Variants in DHX29 observed in about 807,000 individuals in gnomAD.
The protein encoded by DHX29 is DExH-box helicase 29, also known as ATP-dependent RNA helicase DHX29.
Under a neutral mutation model 167.9 loss-of-function variants are expected in DHX29, and 79 were observed. That is an observed-to-expected ratio of 0.47 (90% CI 0.39 to 0.57). The LOEUF is 0.57. Ranked by LOEUF, DHX29 falls within the 20% of genes least tolerant of loss-of-function variation. The pLI is 0.00. For synonymous variants in DHX29, 530 were observed against 546.0 expected, an observed-to-expected ratio of 0.97 and a Z score of 0.41; for missense variants, 1,347 against 1,593.4, an observed-to-expected ratio of 0.85 and a Z score of 2.63.
chr5:55,268,217 CA>C (rs1378785423), intron 21 of DHX29, among the ~76,000 whole-genome samples: 1 of 152,104 alleles, frequency 6.6e-6, no homozygotes, highest in Non-Finnish European at 1.5e-5. Context: ...GCCTCAAGAC[CA>C]CTGAATTTCC....
intron 11 of DHX29, among the ~76,000 whole-genome samples, chr5:55,281,935 G>A (rs185915115): frequency 2.4e-4 from 37 of 152,070 alleles, no homozygotes. Context: ...ACAAGGGCAT[G>A]CCACTACACC....
intron 6 of DHX29, among the ~76,000 whole-genome samples, 194 bp from the exon 7 acceptor site, chr5:55,290,538 G>A (rs1354460089): frequency 6.6e-6 from 1 of 152,140 alleles, no homozygotes; most frequent in Non-Finnish European, 1.5e-5. Flanking sequence ...GTTTGGTGAG[G>A]CACTGACTGT....
chr5:55,280,436 T>C (rs1289599854), intron 12 of DHX29, among the ~76,000 whole-genome samples: 3 of 152,182 alleles, frequency 2.0e-5, no homozygotes, highest in Non-Finnish European at 4.4e-5. Context: ...ATAAATATAC[T>C]GTAGCTTAAT....
At chr5:55,298,307 T>G (rs1194571795) in intron 2 of DHX29, among the ~76,000 whole-genome samples, 6 of 152,160 alleles carry the variant, frequency 3.9e-5, no homozygotes, top group Non-Finnish European at 8.8e-5. Flanking sequence ...TAAGTAGAGA[T>G]CAGAGTAGCA....
Position 55,267,235 on chromosome 5 carries a change from G to A in DHX29, c.3432-4C>T. The A allele has an allele frequency of 6.2e-7, 1 of 1,605,844 alleles. No individual in the cohort carries two copies. Among genetic ancestry groups the A allele is most frequent in the Non-Finnish European group, 8.5e-7 (1 of 1,173,924 alleles). ...TTCTTGTCGTGCTTTCTTCCATCTA[G>A]ATAAATAAAATGTCAATTAATGAAT... is the stretch of plus-strand genomic sequence containing the variant. On this transcript the variant is annotated splice_polypyrimidine_tract_variant and splice_region_variant and intron_variant, in intron 22 of 26. Transcript: ENST00000251636.
Position 55,296,365 on chromosome 5 carries a change from A to AT in DHX29, c.376-17dup. The AT allele has an allele frequency of 6.2e-7, 1 of 1,603,650 alleles. No homozygotes were observed. The highest frequency in any genetic ancestry group is 8.5e-7 in the Non-Finnish European group (1 of 1,175,382). On this transcript the variant is annotated splice_polypyrimidine_tract_variant and intron_variant, in intron 3 of 26. Coordinates refer to ENST00000251636, the MANE Select transcript of DHX29 (RefSeq NM_019030.4). ...TGTATAAATCCTATGACAAGCAAAT[A>AT]TAAAAAAAGTCACATTTGTCAAAGT...
chr5:55,281,280 G>A, intron 12 of DHX29, 92 bp downstream of exon 12: 1 of 1,080,270 alleles, frequency 9.3e-7, no homozygotes, highest in Non-Finnish European at 1.2e-6. Context: ...AATTTAGTAA[G>A]CATAAAGAAA....
intron 10 of DHX29, 152 bp downstream of exon 10, chr5:55,285,141 G>A (rs373666637): frequency 1.3e-5 from 15 of 1,170,594 alleles, no homozygotes; most frequent in Non-Finnish European, 1.7e-5. Flanking sequence ...TAAGAGGAAC[G>A]AAAGATCAAA....
rs780295158 is a variant in DHX29 at position 55,281,490 on chromosome 5, C to T, written c.1991G>A (p.Arg664Gln). ...AGATTCACAAGCTCGAGATTCCATC[C>T]GGATCTGATATCCACACAAGGAATT... is the stretch of plus-strand genomic sequence containing the variant. ...GRNSLCGYQI[R>Q]MESRACESTR... Residue 664 changes from arginine (R) to glutamine (Q), a missense_variant, in exon 12 of 27, where the codon CGG becomes CAG. This residue lies in a region of DHX29 where 882 missense variants were observed against 1,082.4 expected (regional missense o/e 0.81). Coordinates refer to ENST00000251636, the MANE Select transcript of DHX29 (RefSeq NM_019030.4). 1 of 1,597,502 alleles carries T rather than the reference C, an allele frequency of 6.3e-7. No homozygotes were observed. The highest frequency in any genetic ancestry group is 8.5e-7 in the Non-Finnish European group (1 of 1,172,080).
intron 23 of DHX29, among the ~76,000 whole-genome samples, chr5:55,263,475 T>C (rs1454176754): frequency 6.6e-6 from 1 of 151,940 alleles, no homozygotes; most frequent in Non-Finnish European, 1.5e-5. Context: ...ACAGGAAGGG[T>C]GGGCATTTTT....
intron 17 of DHX29, among the ~76,000 whole-genome samples, 178 bp downstream of exon 17, chr5:55,273,114 AT>A (rs1375869129): frequency 1.3e-5 from 2 of 152,212 alleles, no homozygotes; most frequent in East Asian, 3.8e-4. Context: ...AAATATTCAA[AT>A]GCTTGAATTG....
chr5:55,281,405 A>C lies in DHX29; in HGVS notation c.2076T>G (p.Leu692=), dbSNP rs769176180. The C allele has an allele frequency of 1.8e-5, 29 of 1,602,550 alleles. No individual in the cohort carries two copies. The highest frequency in any genetic ancestry group is 2.7e-5 in the African/African-American group (2 of 74,552). ...CAATAACATGAGACACATTACTTAGAAGACCATCTTCTTGAAGTTTCCTTA... is the reference window on the plus strand; with the variant it reads ...CAATAACATGAGACACATTACTTAGCAGACCATCTTCTTGAAGTTTCCTTA... ...VLLRKLQEDG[L]LSNVSHVIVD... Residue 692 remains leucine, a synonymous_variant, in exon 12 of 27, where the codon CTT becomes CTG. Coordinates refer to ENST00000251636, the MANE Select transcript of DHX29 (RefSeq NM_019030.4).
chr5:55,284,037 T>C (rs947809219), intron 10 of DHX29, among the ~76,000 whole-genome samples: 2 of 152,236 alleles, frequency 1.3e-5, no homozygotes, highest in African/African-American at 2.4e-5. Flanking sequence ...CTTTAATATA[T>C]GTATGTGTAT....
In DHX29 at chr5:55,261,453, G is replaced by A. The variant is rs373803286; in HGVS notation, c.3875C>T (p.Pro1292Leu). The stretch of plus-strand genomic sequence containing the variant: ...ACCACCAAAAAGTAAAACTGGAAAA[G>A]GGGTTATTAGGGTAGTTTCTCTCAA... The part of the protein sequence containing the change: ...VYLRETTLIT[P>L]FPVLLFGGDI... The change falls in exon 25 of 27, where the codon CCT becomes CTT. Residue 1292 changes from proline to leucine, a missense_variant. By Grantham distance (98) the Pro-to-Leu change is moderately conservative. Coordinates refer to ENST00000251636, the MANE Select transcript of DHX29 (RefSeq NM_019030.4). 10 of 1,572,266 alleles carry A rather than the reference G, an allele frequency of 6.4e-6. No individual in the cohort carries two copies. The highest frequency in any genetic ancestry group is 7.9e-6 in the Non-Finnish European group (9 of 1,142,700).
intron 12 of DHX29, 104 bp downstream of exon 12, chr5:55,281,268 A>G (rs1479500079): frequency 2.5e-5 from 24 of 974,876 alleles, no homozygotes; most frequent in Admixed American, 4.0e-5. Flanking sequence ...AAGGTATATA[A>G]TAATTTAGTA....
At chr5:55,297,457 C>T in intron 2 of DHX29, 59 bp from the exon 3 acceptor site, 1 of 763,830 alleles carries the variant, frequency 1.3e-6, no homozygotes, top group Non-Finnish European at 2.2e-6. Context: ...AATTAAAAGC[C>T]AATCATACAG....
At chr5:55,267,580 A>G in intron 22 of DHX29, 106 bp downstream of exon 22, 1 of 1,026,422 alleles carries the variant, frequency 9.7e-7, no homozygotes, top group Admixed American at 3.1e-5. Context: ...ACTAAAAATA[A>G]ATTTAAACCT....
chr5:55,260,494 G>A (rs907974874), intron 25 of DHX29, among the ~76,000 whole-genome samples: 8 of 152,252 alleles, frequency 5.3e-5, no homozygotes, highest in African/African-American at 1.9e-4. Flanking sequence ...GCCTCCCAAA[G>A]TGCTGGGATT....
At chr5:55,306,148 C>T (rs1422806289) in intron 1 of DHX29, among the ~76,000 whole-genome samples, 1 of 152,186 alleles carries the variant, frequency 6.6e-6, no homozygotes, top group African/African-American at 2.4e-5. Context: ...AACTCTGTAG[C>T]TAACACTACA....
Sources: gnomAD v4.1 joint callset for allele counts (sites outside exome capture counted in the v4.1 genomes callset) on GRCh38, gnomAD v4.1.1 for gene constraint, gnomAD v4.1.1 regional missense constraint, MANE v1.5 for transcripts, NCBI Gene and HGNC (gene_info 2026-07-23, HGNC 2026-07-21) for gene names.